CACNB2: variants seen among roughly 807,000 people sequenced by gnomAD.
The protein encoded by CACNB2 is calcium voltage-gated channel auxiliary subunit beta 2.
In CACNB2, 42 loss-of-function variants were observed where a neutral mutation model predicts 73.3. The observed-to-expected ratio is 0.57, with a 90% CI of 0.45 to 0.74. CACNB2 has a LOEUF of 0.74. Ranked by LOEUF, CACNB2 falls within the 30% of genes least tolerant of loss-of-function variation. CACNB2 has a pLI of 0.00. For missense variants in CACNB2, 940 were observed against 853.0 expected, an observed-to-expected ratio of 1.10 and a Z score of -1.27; for synonymous variants, 348 against 310.3, an observed-to-expected ratio of 1.12 and a Z score of -1.28.
intron 2 of CACNB2, 91 bp downstream of exon 2, chr10:18,151,066 G>A: frequency 2.4e-6 from 2 of 838,134 alleles, no homozygotes; most frequent in Non-Finnish European, 4.2e-6. Context: ...TAAGATTTAT[G>A]TAGTATGATT....
At chr10:18,166,240 A>G (rs2032841840) in intron 2 of CACNB2, among the ~76,000 whole-genome samples, 1 of 152,196 alleles carries the variant, frequency 6.6e-6, no homozygotes, top group Admixed American at 6.5e-5. Flanking sequence ...TAATAATTCA[A>G]TTAATAATAC....
chr10:18,299,684 C>G (rs948039952), intron 2 of CACNB2, among the ~76,000 whole-genome samples: 1 of 152,120 alleles, frequency 6.6e-6, no homozygotes, highest in African/African-American at 2.4e-5. Context: ...GCACTCCAGA[C>G]TGGGTGACAG....
At chr10:18,184,343 G>T (rs913747430) in intron 2 of CACNB2, among the ~76,000 whole-genome samples, 1 of 152,112 alleles carries the variant, frequency 6.6e-6, no homozygotes, top group Admixed American at 6.6e-5. Flanking sequence ...AATGCTTTTT[G>T]TAATTTACTT....
chr10:18,526,221 G>A (rs767312782), intron 9 of CACNB2, among the ~76,000 whole-genome samples: 6 of 152,164 alleles, frequency 3.9e-5, no homozygotes, highest in Non-Finnish European at 5.9e-5. Context: ...CCCCAGAGAA[G>A]AATCTTCCAT....
chr10:18,185,685 G>C (rs1030636234), intron 2 of CACNB2, among the ~76,000 whole-genome samples: 2 of 152,220 alleles, frequency 1.3e-5, no homozygotes, highest in African/African-American at 4.8e-5. Flanking sequence ...ACTGATGGCA[G>C]AGATGATCAG....
intron 3 of CACNB2, among the ~76,000 whole-genome samples, chr10:18,486,606 T>A (rs959995462): frequency 2.2e-4 from 33 of 152,270 alleles, no homozygotes; most frequent in Middle Eastern, 3.4e-3. Flanking sequence ...CTAATATCCT[T>A]CCAGCCCTGC....
At chr10:18,427,757 G>A (rs2045679259) in intron 3 of CACNB2, among the ~76,000 whole-genome samples, 1 of 151,936 alleles carries the variant, frequency 6.6e-6, no homozygotes, top group South Asian at 2.1e-4. Context: ...AGAATTTTAG[G>A]CATGAATTTA....
chr10:18,174,394 TTCTC>T (rs140017953), intron 2 of CACNB2, among the ~76,000 whole-genome samples: 14,281 of 147,628 alleles, frequency 0.097, 802 homozygotes, highest in East Asian at 0.26. Flanking sequence ...TTTTCTTTCT[TTCTC>T]TCTTTCTTTC....
chr10:18,316,319 T>C (rs2131921671), intron 2 of CACNB2, among the ~76,000 whole-genome samples: 1 of 152,304 alleles, frequency 6.6e-6, no homozygotes, highest in South Asian at 2.1e-4. Flanking sequence ...TTCTCAATAA[T>C]GTTGGGTAGC....
chr10:18,283,893 C>A (rs1316923555), intron 2 of CACNB2, among the ~76,000 whole-genome samples: 3 of 152,112 alleles, frequency 2.0e-5, no homozygotes, highest in African/African-American at 7.2e-5. Flanking sequence ...CCCCTGAATA[C>A]TAACCATTAA....
chr10:18,140,504 G>GTCCCGCC lies in CACNB2; in HGVS notation c.-227_-221dup, dbSNP rs2030268378. Among the ~76,000 whole-genome samples the GTCCCGCC allele has an allele frequency of 1.3e-5, 2 of 151,756 alleles. No homozygotes were observed. Among genetic ancestry groups the GTCCCGCC allele is most frequent in the African/African-American group, 4.8e-5 (2 of 41,476 alleles). The stretch of plus-strand genomic sequence containing the variant: ...CCAGGCACCGCAGCCGCGCCCCCGC[G>GTCCCGCC]TCCCGCCTCCCGAGCGGCTCGCTTC... On this transcript the variant is annotated 5_prime_UTR_variant, in exon 1 of 14. Coordinates refer to ENST00000324631, the MANE Select transcript of CACNB2 (RefSeq NM_201596.3).
chr10:18,499,626 A>G (rs1314363004), intron 4 of CACNB2, among the ~76,000 whole-genome samples: 1 of 90,332 alleles, frequency 1.1e-5, no homozygotes, highest in Admixed American at 1.1e-4. Flanking sequence ...AGAAAAAAAA[A>G]AAAAAAAAAA....
intron 2 of CACNB2, among the ~76,000 whole-genome samples, chr10:18,267,129 A>G (rs1442990485): frequency 6.6e-6 from 1 of 152,024 alleles, no homozygotes; most frequent in Non-Finnish European, 1.5e-5. Context: ...AGACCTCTGT[A>G]TCTTTGAATG....
chr10:18,291,966 G>T (rs772446179), intron 2 of CACNB2, among the ~76,000 whole-genome samples: 3 of 152,076 alleles, frequency 2.0e-5, no homozygotes, highest in Non-Finnish European at 4.4e-5. Context: ...GCTAAAATAT[G>T]AACTATAAGA....
chr10:18,159,533 CA>C (rs1313376963), intron 2 of CACNB2, among the ~76,000 whole-genome samples: 4 of 152,120 alleles, frequency 2.6e-5, no homozygotes, highest in African/African-American at 9.7e-5. Context: ...TGGAATGAAC[CA>C]AATATTTAAC....
At chr10:18,254,962 A>G (rs1395765233) in intron 2 of CACNB2, among the ~76,000 whole-genome samples, 3 of 152,210 alleles carry the variant, frequency 2.0e-5, no homozygotes, top group African/African-American at 7.2e-5. Flanking sequence ...TAATAGATTC[A>G]TTCATTTTCC....
At chr10:18,311,407 G>A (rs143755617) in intron 2 of CACNB2, among the ~76,000 whole-genome samples, 8 of 152,100 alleles carry the variant, frequency 5.3e-5, no homozygotes, top group Non-Finnish European at 7.4e-5. Context: ...GCAATGTGGC[G>A]GTTAGGGGCG....
At chr10:18,422,722 T>G (rs937948513) in intron 3 of CACNB2, among the ~76,000 whole-genome samples, 96 of 152,156 alleles carry the variant, frequency 6.3e-4, no homozygotes, top group Non-Finnish European at 1.0e-4. Context: ...AGATGGAGTT[T>G]CATTCTTGTC....
rs147082042 is a variant in CACNB2, at chr10:18,251,525, G to A, written c.213+100550G>A. Among the ~76,000 whole-genome samples the A allele has an allele frequency of 4.4e-4, 67 of 152,338 alleles. 1 individual carries two copies. The East Asian group carries it at 0.012, about 28-fold the overall frequency. On this transcript the variant is annotated intron_variant, in intron 2 of 13. Transcript: ENST00000324631. ...GGCCTCCCAAAGTGCTGAGATTACA[G>A]GCGTGGGCCACCATGCCCGGCCTCA...
Sources: allele counts gnomAD v4.1 joint callset (sites outside exome capture counted in the v4.1 genomes callset), GRCh38; gene constraint gnomAD v4.1.1; transcripts MANE v1.5; gene names NCBI Gene and HGNC (gene_info 2026-07-23, HGNC 2026-07-21).